Variants in SORCS3 observed in about 807,000 individuals in gnomAD.
SORCS3 encodes VPS10 domain-containing receptor SorCS3.
SORCS3 carries 57 observed loss-of-function variants against 146.3 expected under a neutral mutation model. The ratio of observed to expected loss-of-function variants is 0.39; its 90% CI spans 0.31 to 0.49. SORCS3 has a LOEUF of 0.49. Among genes scored for constraint, SORCS3 ranks in the 20% least tolerant of loss-of-function variants. SORCS3 has a pLI of 0.92. For missense variants in SORCS3, 1,341 were observed against 1,575.5 expected (o/e 0.85, Z 2.52); for synonymous variants, 653 against 618.5 (o/e 1.06, Z -0.83).
intron 5 of SORCS3, among the ~76,000 whole-genome samples, chr10:105,059,701 T>A (rs1485504689): frequency 6.6e-6 from 1 of 152,180 alleles, no homozygotes; most frequent in Non-Finnish European, 1.5e-5. Context: ...TGGCTTGGGA[T>A]CATCCATGTG....
intron 9 of SORCS3, among the ~76,000 whole-genome samples, chr10:105,153,189 A>G (rs1225801407): frequency 6.6e-6 from 1 of 152,080 alleles, no homozygotes; most frequent in Non-Finnish European, 1.5e-5. Flanking sequence ...CCTTTCCTAG[A>G]GGGTGAGTAA....
chr10:104,661,712 GATAGATAC>G (rs2015704594), intron 1 of SORCS3, among the ~76,000 whole-genome samples: 1 of 152,174 alleles, frequency 6.6e-6, no homozygotes, highest in South Asian at 2.1e-4. Context: ...CAGATAGATA[GATAGATAC>G]ATATCATCCT....
intron 1 of SORCS3, among the ~76,000 whole-genome samples, chr10:104,773,946 A>C (rs1250014726): frequency 6.6e-6 from 1 of 152,196 alleles, no homozygotes; most frequent in African/African-American, 2.4e-5. Flanking sequence ...CTCCCACCCT[A>C]TTCCTATCTA....
chr10:105,210,721 G>C (rs1180216673), intron 16 of SORCS3, among the ~76,000 whole-genome samples: 1 of 152,166 alleles, frequency 6.6e-6, no homozygotes, highest in Non-Finnish European at 1.5e-5. Flanking sequence ...ATGTGTCCAT[G>C]TGAATGGACA....
chr10:104,787,947 C>T (rs1407731112), intron 1 of SORCS3, among the ~76,000 whole-genome samples: 7 of 152,160 alleles, frequency 4.6e-5, no homozygotes, highest in Admixed American at 2.6e-4. Flanking sequence ...CATAGCCTGT[C>T]GACATCTCAA....
intron 2 of SORCS3, among the ~76,000 whole-genome samples, chr10:104,861,750 T>G (rs1455100181): frequency 6.6e-6 from 1 of 152,154 alleles, no homozygotes; most frequent in South Asian, 2.1e-4. Context: ...GTCAGCCTGA[T>G]AGGGCCACCA....
chr10:104,641,821 G>C lies in SORCS3; in HGVS notation c.494G>C (p.Arg165Pro). 1 of 1,557,224 alleles carries C rather than the reference G, an allele frequency of 6.4e-7. No individual in the cohort carries two copies. The highest frequency in any genetic ancestry group is 1.9e-5 in the Admixed American group (1 of 52,232). The change falls in exon 1 of 27, where the codon CGG becomes CCG. Residue 165 changes from arginine (R) to proline (P), a missense_variant. Transcript: ENST00000369701. The surrounding 1 kb of genome is among the most constrained non-coding windows in gnomAD (Gnocchi z 6.4). ...RGSRPLAKGS[R>P]EEVKAPRAGG... ...AGCCGTCCCCTTGCTAAGGGTTCCCGGGAGGAGGTGAAGGCGCCGCGGGCT... is the reference window on the plus strand; with the variant it reads ...AGCCGTCCCCTTGCTAAGGGTTCCCCGGAGGAGGTGAAGGCGCCGCGGGCT...
intron 20 of SORCS3, among the ~76,000 whole-genome samples, chr10:105,237,397 C>G (rs577314920): frequency 1.3e-5 from 2 of 152,078 alleles, no homozygotes; most frequent in Non-Finnish European, 2.9e-5. Context: ...AGAACACATC[C>G]GAGCATTTGG....
At chr10:105,147,282 T>C (rs563493515) in intron 8 of SORCS3, among the ~76,000 whole-genome samples, 2 of 152,254 alleles carry the variant, frequency 1.3e-5, no homozygotes, top group African/African-American at 4.8e-5. Flanking sequence ...CTTCATTGCA[T>C]GTGTGAGCTT....
chr10:105,185,419 AC>A (rs1006873984), intron 14 of SORCS3, among the ~76,000 whole-genome samples: 27 of 152,174 alleles, frequency 1.8e-4, no homozygotes. Context: ...CCCACTTCGG[AC>A]AGGGTATGCT....
At chr10:104,646,126 C>A (rs1436073448) in intron 1 of SORCS3, among the ~76,000 whole-genome samples, 1 of 152,164 alleles carries the variant, frequency 6.6e-6, no homozygotes, top group East Asian at 1.9e-4. Flanking sequence ...CATTGTTGGT[C>A]TGAGGGGCCG....
At chr10:104,829,868 G>A (rs2017981271) in intron 1 of SORCS3, among the ~76,000 whole-genome samples, 1 of 152,034 alleles carries the variant, frequency 6.6e-6, no homozygotes, top group South Asian at 2.1e-4. Context: ...GTCAGCCAGG[G>A]CCTCTAACTC....
At position 105,226,347 on chromosome 10, in the gene SORCS3, T is replaced by A. The variant is rs533151766; in HGVS notation, c.2868+3098T>A. Among the ~76,000 whole-genome samples the A allele has an allele frequency of 2.6e-5, 4 of 152,220 alleles. No homozygotes were observed. In the South Asian group the frequency reaches 8.3e-4, roughly 32 times the overall value. Reference sequence around the variant, plus strand: ...TTTGTCATTCACTCTATTGATGCAATGTACCACATTTATTGGCTTGTGTAT... The same window carrying A: ...TTTGTCATTCACTCTATTGATGCAAAGTACCACATTTATTGGCTTGTGTAT... On this transcript the variant is annotated intron_variant, in intron 20 of 26. Transcript: ENST00000369701.
chr10:104,696,682 AATATATAATATATATT>A (rs1564661597), intron 1 of SORCS3, among the ~76,000 whole-genome samples: 2 of 11,650 alleles, frequency 1.7e-4, no homozygotes, highest in Non-Finnish European at 1.6e-4. Flanking sequence ...TAACATATAT[AATATATAATATATATT>A]ATATACGTAT....
intron 5 of SORCS3, among the ~76,000 whole-genome samples, chr10:105,083,927 C>A (rs2055641661): frequency 6.6e-6 from 1 of 152,206 alleles, no homozygotes; most frequent in African/African-American, 2.4e-5. Flanking sequence ...AAATCCCATT[C>A]TTTTCGCCAG....
chr10:104,757,066 G>GTTTTTTTTTTTTTTTTTTT (rs35550035), intron 1 of SORCS3, among the ~76,000 whole-genome samples: 2 of 83,984 alleles, frequency 2.4e-5, no homozygotes, highest in Non-Finnish European at 4.5e-5. Flanking sequence ...CAAGTTAAGG[G>GTTTTTTTTTTTTTTTTTTT]TTTTTTTTTT....
intron 4 of SORCS3, among the ~76,000 whole-genome samples, chr10:105,031,349 AC>A (rs1812252170): frequency 6.6e-6 from 1 of 151,770 alleles, no homozygotes; most frequent in African/African-American, 2.4e-5. Context: ...ACACACACAC[AC>A]ACACACACAC....
chr10:105,168,547 G>T (rs1202707786), intron 13 of SORCS3, among the ~76,000 whole-genome samples: 11 of 152,114 alleles, frequency 7.2e-5, no homozygotes, highest in Admixed American at 7.2e-4. Context: ...TGGGCAGCAA[G>T]GTGGACCCTA....
rs570738861 is a variant in SORCS3, at chr10:105,182,269, T to C, written c.2009+4096T>C. On this transcript the variant is annotated intron_variant, in intron 14 of 26. Transcript: ENST00000369701. The stretch of plus-strand genomic sequence containing the variant: ...TTTTTTTTTTGTGCCAGGTATCACA[T>C]TGAGCACTTTTTCAAACTTGATTTT... Among the ~76,000 whole-genome samples the C allele has an allele frequency of 1.3e-3, 169 of 132,132 alleles. 3 individuals carry two copies. The Middle Eastern group carries it at 0.02, about 15-fold the overall frequency. The allele number at this position is 132,132 out of a possible 152,430, so 86.7% of individuals were successfully genotyped here. A position where few individuals can be genotyped will look rare whatever the true frequency, so the allele number is the denominator to read the frequency against.
Sources: allele counts gnomAD v4.1 joint callset (sites outside exome capture counted in the v4.1 genomes callset), GRCh38; gene constraint gnomAD v4.1.1; non-coding constraint Gnocchi (gnomAD v3.1); transcripts MANE v1.5; gene names NCBI Gene and HGNC (gene_info 2026-07-23, HGNC 2026-07-21).